BACH2: variants seen among roughly 807,000 people sequenced by gnomAD.
BACH2 encodes BACH transcriptional regulator 2.
In BACH2, 5 loss-of-function variants were observed where a neutral mutation model predicts 61.8. The observed-to-expected ratio is 0.08, with a 90% CI of 0.04 to 0.17. The LOEUF (loss-of-function observed/expected upper bound fraction) is 0.17. BACH2 is among the 10% of genes least tolerant of loss of function. The pLI is 1.00. For synonymous variants in BACH2, 446 were observed against 440.1 expected (o/e 1.01, Z -0.17); for missense variants, 824 against 1,091.1 (o/e 0.76, Z 3.45).
chr6:90,180,305 CTAAATGTT>C (rs1246069295), intron 4 of BACH2, among the ~76,000 whole-genome samples: 7 of 151,964 alleles, frequency 4.6e-5, no homozygotes, highest in Admixed American at 2.6e-4. Flanking sequence ...ATATAAATAG[CTAAATGTT>C]TAAATGTTTC....
At chr6:90,183,713 C>T (rs545530615) in intron 4 of BACH2, among the ~76,000 whole-genome samples, 1 of 152,334 alleles carries the variant, frequency 6.6e-6, no homozygotes, top group East Asian at 1.9e-4. Context: ...ATCTACTCCC[C>T]AGGCTCTGTG....
At chr6:90,137,620 CATTCTT>C (rs1410483056) in intron 4 of BACH2, among the ~76,000 whole-genome samples, 1 of 152,200 alleles carries the variant, frequency 6.6e-6, no homozygotes, top group Non-Finnish European at 1.5e-5. Context: ...TGGACAAACA[CATTCTT>C]ATTCAAGTTT....
At chr6:90,030,908 G>T (rs1176450354) in intron 5 of BACH2, among the ~76,000 whole-genome samples, 2 of 148,066 alleles carry the variant, frequency 1.4e-5, no homozygotes, top group South Asian at 2.2e-4. Context: ...CAAAAAAAGA[G>T]AATTTTAGAC....
intron 1 of BACH2, among the ~76,000 whole-genome samples, chr6:90,273,200 GA>G (rs149568463): frequency 6.0e-5 from 9 of 149,302 alleles, no homozygotes; most frequent in Admixed American, 5.4e-4. Flanking sequence ...TTTCTATGGG[GA>G]AAAAAAATTA....
Position 90,132,726 on chromosome 6 carries a change from T to C in BACH2, c.-161-43617A>G, listed in dbSNP as rs1309002716. 2.6e-5 allele frequency among the ~76,000 whole-genome samples: 4 copies of C among 152,180 alleles called. No homozygotes were observed. In the East Asian group the frequency reaches 7.7e-4, roughly 29 times the overall value. On this transcript the variant is annotated intron_variant, in intron 4 of 8. Coordinates refer to ENST00000257749, the MANE Select transcript of BACH2 (RefSeq NM_021813.4). ...CCACCATTAAGCCACTGTAATGGTTTTCCTGGGCTTACAAAAGGGCAGTCC... is the reference window on the plus strand; with the variant it reads ...CCACCATTAAGCCACTGTAATGGTTCTCCTGGGCTTACAAAAGGGCAGTCC...
intron 7 of BACH2, among the ~76,000 whole-genome samples, chr6:89,943,015 T>C (rs1178383509): frequency 6.6e-6 from 1 of 152,224 alleles, no homozygotes; most frequent in African/African-American, 2.4e-5. Context: ...TCTCGCTCTG[T>C]TGCCTAGGCT....
chr6:90,115,020 G>A (rs1783332166), intron 4 of BACH2, among the ~76,000 whole-genome samples: 1 of 152,198 alleles, frequency 6.6e-6, no homozygotes, highest in African/African-American at 2.4e-5. Flanking sequence ...AGAAATTAGA[G>A]AAGACACAAA....
chr6:90,242,306 A>C (rs1016455101), intron 3 of BACH2, among the ~76,000 whole-genome samples: 3 of 152,092 alleles, frequency 2.0e-5, no homozygotes, highest in Non-Finnish European at 2.9e-5. Context: ...TATGGTTTTG[A>C]CTTTTGCCTT....
At chr6:90,178,909 G>T (rs1442091078) in intron 4 of BACH2, among the ~76,000 whole-genome samples, 1 of 152,118 alleles carries the variant, frequency 6.6e-6, no homozygotes, top group Non-Finnish European at 1.5e-5. Context: ...GCCTGGTTCC[G>T]CAGGGGACCA....
chr6:90,092,291 A>AAAAAAAAAAAAAAAAAAATATATATATAT, intron 4 of BACH2, among the ~76,000 whole-genome samples: 1 of 113,840 alleles, frequency 8.8e-6, no homozygotes, highest in Non-Finnish European at 1.7e-5. Flanking sequence ...AAAAAAAAAA[A>AAAAAAAAAAAAAAAAAAATATATATATAT]ATATATATAT....
chr6:90,050,330 C>A (rs563829954), intron 5 of BACH2, among the ~76,000 whole-genome samples: 1 of 152,262 alleles, frequency 6.6e-6, no homozygotes, highest in South Asian at 2.1e-4. Context: ...GCTTTAGATT[C>A]CATATTGCAA....
intron 4 of BACH2, among the ~76,000 whole-genome samples, chr6:90,103,534 C>A (rs1178733648): frequency 6.6e-6 from 1 of 152,152 alleles, no homozygotes; most frequent in African/African-American, 2.4e-5. Flanking sequence ...AACTCTGTTA[C>A]GAAACTGAAA....
chr6:90,091,722 T>C lies in BACH2; in HGVS notation c.-161-2613A>G, dbSNP rs189732702. Among the ~76,000 whole-genome samples, 4 of 152,280 alleles carry C rather than the reference T, an allele frequency of 2.6e-5. No individual in the cohort carries two copies. The East Asian group carries it at 7.7e-4, about 29-fold the overall frequency. ...ACCCACTAATACTATAAGATGGTTA[T>C]GGTTTGAGGAGTGGGGGGTGCAAAA... is the stretch of plus-strand genomic sequence containing the variant. On this transcript the variant is annotated intron_variant, in intron 4 of 8. Transcript: ENST00000257749.
intron 6 of BACH2, among the ~76,000 whole-genome samples, chr6:89,965,946 GAATA>G (rs904862441): frequency 2.6e-5 from 4 of 152,110 alleles, no homozygotes; most frequent in African/African-American, 9.7e-5. Context: ...TGCAAAATAG[GAATA>G]AATAGGGACA....
intron 8 of BACH2, among the ~76,000 whole-genome samples, chr6:89,937,257 C>T (rs1448569659): frequency 6.6e-6 from 1 of 152,132 alleles, no homozygotes; most frequent in African/African-American, 2.4e-5. Context: ...GGCCCCTCTG[C>T]AGGTAGGCGT....
intron 6 of BACH2, among the ~76,000 whole-genome samples, chr6:89,954,656 C>T (rs551171611): frequency 1.3e-5 from 2 of 151,588 alleles, no homozygotes; most frequent in African/African-American, 4.8e-5. Flanking sequence ...TGGGAGTCAC[C>T]CTCTGCCACA....
chr6:90,118,899 T>C (rs2127819059), intron 4 of BACH2, among the ~76,000 whole-genome samples: 1 of 152,292 alleles, frequency 6.6e-6, no homozygotes, highest in Non-Finnish European at 1.5e-5. Flanking sequence ...CTAGAAAATG[T>C]TCCTGACCTC....
chr6:89,942,875 C>T (rs886770460), intron 7 of BACH2, among the ~76,000 whole-genome samples: 3 of 152,216 alleles, frequency 2.0e-5, no homozygotes, highest in East Asian at 1.9e-4. Context: ...CTCTGGAACA[C>T]GACAGGAGCA....
intron 1 of BACH2, among the ~76,000 whole-genome samples, chr6:90,284,440 T>G (rs1184705183): frequency 6.6e-6 from 1 of 152,168 alleles, no homozygotes; most frequent in Non-Finnish European, 1.5e-5. Flanking sequence ...TGGGGCTACT[T>G]AGCAATACCA....
Sources: gnomAD v4.1 joint callset for allele counts (sites outside exome capture counted in the v4.1 genomes callset) on GRCh38, gnomAD v4.1.1 for gene constraint, MANE v1.5 for transcripts, NCBI Gene and HGNC (gene_info 2026-07-23, HGNC 2026-07-21) for gene names.